Variants in ITGB3BP observed in about 807,000 individuals in gnomAD.
The protein encoded by ITGB3BP is integrin subunit beta 3 binding protein.
ITGB3BP carries 27 observed loss-of-function variants against 29.1 expected under a neutral mutation model. That is an observed-to-expected ratio of 0.93 (90% CI 0.68 to 1.28). The LOEUF is 1.28. Ranked by LOEUF, ITGB3BP falls within the 50% of genes most tolerant of loss-of-function variation. The pLI, the probability that ITGB3BP is intolerant of heterozygous loss-of-function variation, is 0.00. For missense variants in ITGB3BP, 192 were observed against 200.2 expected, an observed-to-expected ratio of 0.96 and a Z score of 0.25; for synonymous variants, 61 against 61.4, an observed-to-expected ratio of 0.99 and a Z score of 0.03.
chr1:63,480,734 A>C (rs1645424291), intron 3 of ITGB3BP, among the ~76,000 whole-genome samples: 2 of 152,128 alleles, frequency 1.3e-5, no homozygotes, highest in Non-Finnish European at 2.9e-5. Context: ...TTGTTAAAGC[A>C]CTAGTTATTT....
chr1:63,507,172 G>C (rs1646098826), intron 2 of ITGB3BP, among the ~76,000 whole-genome samples: 1 of 152,170 alleles, frequency 6.6e-6, no homozygotes, highest in South Asian at 2.1e-4. Context: ...TAGTATGCTA[G>C]GAACCTCCTT....
chr1:63,504,432 A>G (rs1646021381), intron 2 of ITGB3BP, among the ~76,000 whole-genome samples: 1 of 151,956 alleles, frequency 6.6e-6, no homozygotes, highest in African/African-American at 2.4e-5. Flanking sequence ...GGGGTTTTCT[A>G]GATATACAAT....
At chr1:63,468,017 G>T (rs892346259) in intron 4 of ITGB3BP, among the ~76,000 whole-genome samples, 1 of 152,198 alleles carries the variant, frequency 6.6e-6, no homozygotes, top group Non-Finnish European at 1.5e-5. Context: ...AGGAGCAACA[G>T]AAAGAAGCCA....
intron 2 of ITGB3BP, among the ~76,000 whole-genome samples, chr1:63,506,952 A>G (rs1234842092): frequency 6.6e-6 from 1 of 152,206 alleles, no homozygotes; most frequent in Non-Finnish European, 1.5e-5. Context: ...ATGTGAGTAT[A>G]TAATTGGGAG....
chr1:63,493,633 GA>G (rs972257551), intron 2 of ITGB3BP, among the ~76,000 whole-genome samples: 1 of 150,494 alleles, frequency 6.6e-6, no homozygotes, highest in Non-Finnish European at 1.5e-5. Flanking sequence ...TTTTCTGCCT[GA>G]AAAAAAAATC....
At chr1:63,458,815 A>T (rs1268333839) in intron 4 of ITGB3BP, among the ~76,000 whole-genome samples, 1 of 152,198 alleles carries the variant, frequency 6.6e-6, no homozygotes, top group Admixed American at 6.5e-5. Context: ...TATTTGATGG[A>T]TCAATGAACA....
chr1:63,511,909 G>C (rs190618702), intron 1 of ITGB3BP, among the ~76,000 whole-genome samples: 1 of 152,076 alleles, frequency 6.6e-6, no homozygotes, highest in East Asian at 1.9e-4. Context: ...CACTGAATTG[G>C]ACACCTAAAA....
At chr1:63,528,871 C>T (rs1424149502) in intron 2 of ITGB3BP, among the ~76,000 whole-genome samples, 2 of 152,006 alleles carry the variant, frequency 1.3e-5, no homozygotes. Context: ...ATTCTTTGAA[C>T]ATTGTTTCCT....
chr1:63,486,052 A>G (rs1645522678), intron 3 of ITGB3BP, among the ~76,000 whole-genome samples: 1 of 152,042 alleles, frequency 6.6e-6, no homozygotes, highest in Non-Finnish European at 1.5e-5. Flanking sequence ...TAGAACTCCA[A>G]TTTGGCAGAT....
intron 4 of ITGB3BP, among the ~76,000 whole-genome samples, chr1:63,462,708 AT>A (rs1251277793): frequency 2.0e-5 from 3 of 152,244 alleles, no homozygotes; most frequent in Admixed American, 6.5e-5. Context: ...TCTGATAAAC[AT>A]TTTCAACTAA....
chr1:63,485,274 A>G (rs1197031698), intron 3 of ITGB3BP, among the ~76,000 whole-genome samples: 1 of 152,078 alleles, frequency 6.6e-6, no homozygotes, highest in Non-Finnish European at 1.5e-5. Context: ...TTTACAGGCA[A>G]GAAAACAAAA....
chr1:63,443,067 T>C (rs1032311593), intron 8 of ITGB3BP: 2 of 152,184 alleles, frequency 1.3e-5, no homozygotes, highest in Non-Finnish European at 2.9e-5. Flanking sequence ...AGTGAATCTG[T>C]ATGGGACAGT....
At chr1:63,522,005 C>A (rs1198392300) in intron 1 of ITGB3BP, among the ~76,000 whole-genome samples, 2 of 152,114 alleles carry the variant, frequency 1.3e-5, no homozygotes, top group East Asian at 3.9e-4. Context: ...GGAAACAAGT[C>A]TCTTTGCTTA....
chr1:63,510,832 A>G (rs976799430), intron 1 of ITGB3BP, among the ~76,000 whole-genome samples: 3 of 152,166 alleles, frequency 2.0e-5, no homozygotes, highest in Admixed American at 6.5e-5. Flanking sequence ...TCTTAATATT[A>G]TATTAGAACT....
chr1:63,500,644 CAG>C (rs1246391497), intron 2 of ITGB3BP, among the ~76,000 whole-genome samples: 1 of 152,182 alleles, frequency 6.6e-6, no homozygotes, highest in East Asian at 1.9e-4. Flanking sequence ...TCTAAATAAA[CAG>C]AAATATATCT....
At chr1:63,492,524 A>G (rs183019711) in intron 2 of ITGB3BP, among the ~76,000 whole-genome samples, 59 of 152,258 alleles carry the variant, frequency 3.9e-4, no homozygotes, top group African/African-American at 1.4e-3. Context: ...CCTAGAATCC[A>G]TCTGAGAATT....
chr1:63,494,207 T>C (rs993530075), intron 2 of ITGB3BP, among the ~76,000 whole-genome samples: 3 of 152,032 alleles, frequency 2.0e-5, no homozygotes, highest in African/African-American at 7.3e-5. Flanking sequence ...TGGCACGGTC[T>C]TGGCTCACTG....
chr1:63,528,206 A>C (rs533242658), upstream of ITGB3BP, among the ~76,000 whole-genome samples: 1 of 152,200 alleles, frequency 6.6e-6, no homozygotes, highest in African/African-American at 2.4e-5. Context: ...GGATAAAAAT[A>C]AAAAAAGTGG....
At chr1:63,504,476 C>T (rs2100753516) in intron 2 of ITGB3BP, among the ~76,000 whole-genome samples, 1 of 150,724 alleles carries the variant, frequency 6.6e-6, no homozygotes, top group South Asian at 2.1e-4. Context: ...GTTTGACTTC[C>T]TTTTTTCCTA....
Sources: gnomAD v4.1 joint callset for allele counts (sites outside exome capture counted in the v4.1 genomes callset) on GRCh38, gnomAD v4.1.1 for gene constraint, MANE v1.5 for transcripts, NCBI Gene and HGNC (gene_info 2026-07-23, HGNC 2026-07-21) for gene names.